PCDH9: variants seen among roughly 807,000 people sequenced by gnomAD.
The protein encoded by PCDH9 is protocadherin 9.
Under a neutral mutation model 70.6 loss-of-function variants are expected in PCDH9, and 24 were observed. That is an observed-to-expected ratio of 0.34 (90% confidence interval 0.25 to 0.48). The LOEUF (loss-of-function observed/expected upper bound fraction) is 0.48. Among genes scored for constraint, PCDH9 ranks in the 20% least tolerant of loss-of-function variants. PCDH9 has a pLI of 0.99. For missense variants in PCDH9, 1,281 were observed against 1,503.6 expected, an observed-to-expected ratio of 0.85 and a Z score of 2.45; for synonymous variants, 562 against 558.5, an observed-to-expected ratio of 1.01 and a Z score of -0.09.
At chr13:66,482,200 G>A (rs1416848542) in intron 4 of PCDH9, among the ~76,000 whole-genome samples, 4 of 152,190 alleles carry the variant, frequency 2.6e-5, no homozygotes, top group Non-Finnish European at 4.4e-5. Context: ...GCTGGAGATA[G>A]GAAAAGCAAT....
At chr13:66,907,123 G>T (rs2082375096) in intron 2 of PCDH9, among the ~76,000 whole-genome samples, 1 of 152,038 alleles carries the variant, frequency 6.6e-6, no homozygotes, top group South Asian at 2.1e-4. Flanking sequence ...AGAATAGCTT[G>T]AGCTCGAGAG....
chr13:66,895,567 T>G (rs998077870), intron 3 of PCDH9, among the ~76,000 whole-genome samples: 2 of 152,210 alleles, frequency 1.3e-5, no homozygotes, highest in Non-Finnish European at 2.9e-5. Flanking sequence ...TCTGTGCACA[T>G]GTGCAGAAAC....
chr13:67,185,413 A>G (rs962440247), intron 2 of PCDH9, among the ~76,000 whole-genome samples: 1 of 152,208 alleles, frequency 6.6e-6, no homozygotes, highest in East Asian at 1.9e-4. Flanking sequence ...AAGTAGCTAC[A>G]TGTAAGAAAT....
intron 3 of PCDH9, among the ~76,000 whole-genome samples, chr13:66,803,104 G>GA (rs5804296): frequency 6.6e-6 from 1 of 151,384 alleles, no homozygotes; most frequent in African/African-American, 2.4e-5. Flanking sequence ...TCATTCCTAT[G>GA]AAAAAAAAAT....
chr13:66,968,691 A>G (rs2083469116), intron 2 of PCDH9, among the ~76,000 whole-genome samples: 1 of 152,074 alleles, frequency 6.6e-6, no homozygotes, highest in Non-Finnish European at 1.5e-5. Context: ...ATACATTAAA[A>G]TCATTGTTAA....
intron 2 of PCDH9, among the ~76,000 whole-genome samples, chr13:66,958,367 A>C (rs1419071855): frequency 6.6e-6 from 1 of 152,254 alleles, no homozygotes; most frequent in Non-Finnish European, 1.5e-5. Context: ...AGATTGCTTC[A>C]GATGACAAAA....
At chr13:66,502,771 G>T (rs1959183393) in intron 4 of PCDH9, among the ~76,000 whole-genome samples, 1 of 152,118 alleles carries the variant, frequency 6.6e-6, no homozygotes, top group Admixed American at 6.6e-5. Context: ...AGTTTTATTT[G>T]TTTCGTCAAT....
At chr13:66,932,125 T>G (rs2082821544) in intron 2 of PCDH9, among the ~76,000 whole-genome samples, 1 of 152,128 alleles carries the variant, frequency 6.6e-6, no homozygotes, top group Non-Finnish European at 1.5e-5. Flanking sequence ...TCTGGATACC[T>G]TACAGAATAA....
intron 2 of PCDH9, among the ~76,000 whole-genome samples, chr13:66,979,209 C>T (rs1185958581): frequency 1.3e-5 from 2 of 152,032 alleles, no homozygotes; most frequent in Non-Finnish European, 2.9e-5. Flanking sequence ...GGGTTATCAA[C>T]CTGGAATGCA....
chr13:66,708,875 G>A (rs1366960015), intron 3 of PCDH9, among the ~76,000 whole-genome samples: 2 of 152,118 alleles, frequency 1.3e-5, no homozygotes, highest in African/African-American at 4.8e-5. Flanking sequence ...CATTCATTCT[G>A]CCCCCAACCA....
intron 4 of PCDH9, among the ~76,000 whole-genome samples, chr13:66,563,692 C>A (rs948548456): frequency 6.6e-6 from 1 of 152,180 alleles, no homozygotes; most frequent in Non-Finnish European, 1.5e-5. Context: ...ATTCTCAAGA[C>A]ATTCACATGA....
At chr13:67,117,698 A>G (rs993632066) in intron 2 of PCDH9, among the ~76,000 whole-genome samples, 9 of 152,164 alleles carry the variant, frequency 5.9e-5, no homozygotes, top group Admixed American at 2.0e-4. Flanking sequence ...ATCTGAGGTA[A>G]TAATATAAAT....
chr13:67,082,256 G>A (rs2086000776), intron 2 of PCDH9, among the ~76,000 whole-genome samples: 1 of 152,152 alleles, frequency 6.6e-6, no homozygotes, highest in South Asian at 2.1e-4. Context: ...ACTTCCTCCT[G>A]CTCCCAGCGC....
chr13:66,730,774 G>A (rs1224551620), intron 3 of PCDH9, among the ~76,000 whole-genome samples: 1 of 151,234 alleles, frequency 6.6e-6, no homozygotes, highest in Non-Finnish European at 1.5e-5. Flanking sequence ...GACATTGCAG[G>A]CTCAAGTGAT....
At chr13:67,122,731 G>A (rs9317641) in intron 2 of PCDH9, among the ~76,000 whole-genome samples, 40,032 of 150,686 alleles carry the variant, frequency 0.27, 5,772 homozygotes, top group East Asian at 0.61. Flanking sequence ...CTGAGATCGC[G>A]CCACTGCACT....
At chr13:66,594,486 T>G (rs1047888325) in intron 4 of PCDH9, among the ~76,000 whole-genome samples, 1 of 120,140 alleles carries the variant, frequency 8.3e-6, no homozygotes, top group African/African-American at 3.1e-5. Flanking sequence ...TATTTTATTT[T>G]ATTTTATTTT....
chr13:66,550,857 G>A (rs563908455), intron 4 of PCDH9, among the ~76,000 whole-genome samples: 5 of 152,198 alleles, frequency 3.3e-5, no homozygotes, highest in African/African-American at 7.2e-5. Context: ...TCATGAACAC[G>A]CTAGAGAGAC....
intron 2 of PCDH9, among the ~76,000 whole-genome samples, chr13:66,939,265 A>C (rs1167341608): frequency 6.6e-6 from 1 of 152,180 alleles, no homozygotes; most frequent in Admixed American, 6.5e-5. Flanking sequence ...TCATGATTCT[A>C]GGATCAAATG....
intron 4 of PCDH9, among the ~76,000 whole-genome samples, chr13:66,388,368 T>C (rs1956965457): frequency 1.3e-5 from 2 of 152,170 alleles, no homozygotes; most frequent in Non-Finnish European, 2.9e-5. Context: ...ATTGGATTAA[T>C]ATAGATTTCA....
Sources: allele counts gnomAD v4.1 joint callset (sites outside exome capture counted in the v4.1 genomes callset), GRCh38; gene constraint gnomAD v4.1.1; transcripts MANE v1.5; gene names NCBI Gene and HGNC (gene_info 2026-07-23, HGNC 2026-07-21).